The following TLK1 variants were observed in gnomAD, a reference collection of about 807,000 sequenced individuals.
TLK1 encodes serine/threonine-protein kinase tousled-like 1.
A neutral mutation model predicts 105.3 loss-of-function variants in TLK1; 24 were observed. The observed-to-expected ratio is 0.23, with a 90% CI of 0.17 to 0.32. TLK1 has a LOEUF of 0.32. TLK1 is among the 10% of genes least tolerant of loss of function. The pLI is 1.00. For missense variants in TLK1, 558 were observed against 910.5 expected (o/e 0.61, Z 4.98); for synonymous variants, 321 against 310.4 (o/e 1.03, Z -0.36).
intron 18 of TLK1, among the ~76,000 whole-genome samples, chr2:171,002,932 C>T (rs1684453892): frequency 6.6e-6 from 1 of 152,032 alleles, no homozygotes. Context: ...CATGAGCCAC[C>T]GTGCACGGCT....
chr2:171,164,455 A>G (rs1692571475), upstream of TLK1, among the ~76,000 whole-genome samples: 1 of 152,210 alleles, frequency 6.6e-6, no homozygotes, highest in East Asian at 1.9e-4. Flanking sequence ...AGAGTTCAAG[A>G]CTAGCCTGGG....
chr2:171,184,245 C>T (rs1692981018), intron 1 of TLK1, among the ~76,000 whole-genome samples: 1 of 152,182 alleles, frequency 6.6e-6, no homozygotes, highest in Non-Finnish European at 1.5e-5. Context: ...CTGCTGACAC[C>T]TTGATTTTAG....
intron 2 of TLK1, among the ~76,000 whole-genome samples, chr2:171,108,103 G>A (rs1690011814): frequency 6.6e-6 from 1 of 150,646 alleles, no homozygotes; most frequent in African/African-American, 2.4e-5. Context: ...ACAGGAGCCA[G>A]GAGACCACAG....
In TLK1 at chr2:171,147,971, A is replaced by ACAT. The variant is rs1223958569; in HGVS notation, c.139+12316_139+12318dup. Among the ~76,000 whole-genome samples the ACAT allele has an allele frequency of 5.3e-5, 8 of 151,494 alleles. No homozygotes were observed. In the East Asian group the frequency reaches 1.4e-3, roughly 26 times the overall value. ...AATGGTGCAATCTCGGCTCACTGCA[A>ACAT]CATCCGCCTCCCAGGTTCAAGCGAT... is the stretch of plus-strand genomic sequence containing the variant. On this transcript the variant is annotated intron_variant, in intron 1 of 20. Transcript: ENST00000431350.
intron 12 of TLK1, among the ~76,000 whole-genome samples, chr2:171,024,043 T>C (rs1276582827): frequency 6.6e-6 from 1 of 152,136 alleles, no homozygotes; most frequent in African/African-American, 2.4e-5. Context: ...TGCCTCAAAT[T>C]AACAACTTTT....
At chr2:171,196,748 T>C (rs1693283210) in intron 1 of TLK1, among the ~76,000 whole-genome samples, 1 of 152,162 alleles carries the variant, frequency 6.6e-6, no homozygotes, top group Admixed American at 6.5e-5. Context: ...CTGGAGGCCA[T>C]TGTCAGCCTG....
chr2:171,141,308 G>A (rs1691564800), intron 1 of TLK1, among the ~76,000 whole-genome samples: 1 of 152,164 alleles, frequency 6.6e-6, no homozygotes, highest in Non-Finnish European at 1.5e-5. Context: ...TGCCAATAGA[G>A]TAACTAATAG....
rs73976127 is a variant in TLK1 at position 171,191,606 on chromosome 2, C to G, written c.-6+39539G>C. ...TTTCTTCCTCAATGAAGGCCATTTT[C>G]AGGCATCTCACATCAGCCAGGAGAG... On this transcript the variant is annotated intron_variant, in intron 1 of 20. Coordinates refer to the TLK1 transcript ENST00000521943. Among the ~76,000 whole-genome samples, 880 of 152,268 alleles carry G rather than the reference C, an allele frequency of 5.8e-3. 8 individuals carry two copies. The highest frequency in any genetic ancestry group is 0.02 in the African/African-American group (849 of 41,544).
At chr2:171,152,106 T>C (rs1337036171) in intron 1 of TLK1, among the ~76,000 whole-genome samples, 3 of 152,190 alleles carry the variant, frequency 2.0e-5, no homozygotes, top group Non-Finnish European at 2.9e-5. Flanking sequence ...CAACTTATCA[T>C]ATTAACAGCA....
chr2:171,172,419 A>G (rs746945803), intron 1 of TLK1, among the ~76,000 whole-genome samples: 2 of 152,210 alleles, frequency 1.3e-5, no homozygotes, highest in African/African-American at 2.4e-5. Context: ...TGTTTAACAA[A>G]TACAATAAAA....
chr2:171,111,679 T>C (rs1690177043), intron 2 of TLK1, among the ~76,000 whole-genome samples: 1 of 151,628 alleles, frequency 6.6e-6, no homozygotes, highest in Admixed American at 6.6e-5. Context: ...ACATTTCCTA[T>C]CATATACAGG....
At chr2:171,210,512 C>T (rs949202956) in intron 1 of TLK1, among the ~76,000 whole-genome samples, 3 of 152,042 alleles carry the variant, frequency 2.0e-5, no homozygotes, top group Non-Finnish European at 4.4e-5. Context: ...AAAAGAATTT[C>T]GATTTCAGAC....
intron 1 of TLK1, among the ~76,000 whole-genome samples, chr2:171,145,419 G>A (rs1575627008): frequency 6.6e-6 from 1 of 151,914 alleles, no homozygotes; most frequent in African/African-American, 2.4e-5. Context: ...GTGAAACCCT[G>A]TCTCTACTAA....
At chr2:171,111,743 A>G (rs924383205) in intron 2 of TLK1, among the ~76,000 whole-genome samples, 1 of 152,184 alleles carries the variant, frequency 6.6e-6, no homozygotes, top group Non-Finnish European at 1.5e-5. Context: ...TGTGAGGCTA[A>G]TGTGATAGTG....
chr2:170,996,153 C>G (rs1482846353), intron 20 of TLK1, among the ~76,000 whole-genome samples: 1 of 151,076 alleles, frequency 6.6e-6, no homozygotes, highest in East Asian at 2.0e-4. Flanking sequence ...TGTGTGCCAC[C>G]ACGCCTGGCT....
chr2:171,014,312 C>T (rs1272767989), intron 13 of TLK1, among the ~76,000 whole-genome samples: 2 of 151,040 alleles, frequency 1.3e-5, no homozygotes, highest in African/African-American at 4.9e-5. Flanking sequence ...TGATCAACAT[C>T]CAGAAAATAT....
intron 1 of TLK1, among the ~76,000 whole-genome samples, chr2:171,225,793 T>C (rs894351851): frequency 1.3e-5 from 2 of 152,212 alleles, no homozygotes; most frequent in African/African-American, 4.8e-5. Context: ...AATGTGTCTT[T>C]ATTTTCTGAA....
Position 171,050,769 on chromosome 2 carries a change from A to AG in TLK1, c.733-596_733-595insC, listed in dbSNP as rs1687200625. Among the ~76,000 whole-genome samples the AG allele has an allele frequency of 2.6e-5, 4 of 152,192 alleles. No homozygotes were observed. The South Asian group carries it at 6.2e-4, about 24-fold the overall frequency. On this transcript the variant is annotated intron_variant, in intron 8 of 20. Transcript: ENST00000431350. ...ATGCTCAGAGAAGAGGCTTCCTTCT[A>AG]ACATCAAAAGATGAGTCTGATTAGT...
intron 1 of TLK1, among the ~76,000 whole-genome samples, chr2:171,184,908 G>A (rs1217921892): frequency 3.3e-5 from 5 of 151,708 alleles, no homozygotes; most frequent in Admixed American, 6.6e-5. Context: ...GCACGATCTC[G>A]GCTCACTACA....
Sources: gnomAD v4.1 joint callset for allele counts (sites outside exome capture counted in the v4.1 genomes callset) on GRCh38, gnomAD v4.1.1 for gene constraint, MANE v1.5 for transcripts, NCBI Gene and HGNC (gene_info 2026-07-23, HGNC 2026-07-21) for gene names.